CDH23: variants seen among roughly 807,000 people sequenced by gnomAD.
CDH23 encodes the protein cadherin-23.
Under a neutral mutation model 317.1 loss-of-function variants are expected in CDH23, and 189 were observed. The observed-to-expected ratio is 0.60, with a 90% confidence interval of 0.53 to 0.67. CDH23 has a LOEUF of 0.67. Ranked by LOEUF, CDH23 falls within the 30% of genes least tolerant of loss-of-function variation. The pLI, the probability that CDH23 is intolerant of heterozygous loss-of-function variation, is 0.00. For missense variants in CDH23, 4,401 were observed against 4,592.4 expected (o/e 0.96, Z 1.20); for synonymous variants, 1,839 against 1,876.8 (o/e 0.98, Z 0.52).
At chr10:71,766,150 C>A (rs571694995) in intron 38 of CDH23, among the ~76,000 whole-genome samples, 1 of 152,328 alleles carries the variant, frequency 6.6e-6, no homozygotes, top group South Asian at 2.1e-4. Flanking sequence ...AATTCTTTGG[C>A]GAGAGGATGT....
intron 30 of CDH23, among the ~76,000 whole-genome samples, chr10:71,728,073 G>A (rs1866895318): frequency 6.6e-6 from 1 of 152,008 alleles, no homozygotes. Context: ...CACAACCCTT[G>A]GAGTCAAGGT....
intron 3 of CDH23, among the ~76,000 whole-genome samples, chr10:71,466,528 G>T (rs1851264028): frequency 6.6e-6 from 1 of 152,178 alleles, no homozygotes; most frequent in African/African-American, 2.4e-5. Context: ...GAGTGAAAGT[G>T]TGTGTGCCTA....
chr10:71,692,655 C>T (rs1191222415), intron 20 of CDH23, among the ~76,000 whole-genome samples: 13 of 152,214 alleles, frequency 8.5e-5, no homozygotes, highest in South Asian at 2.1e-4. Context: ...GCTCCCTGCT[C>T]AGCCCCTGCA....
chr10:71,755,358 C>T (rs751673703), intron 38 of CDH23: 2 of 1,602,778 alleles, frequency 1.2e-6, no homozygotes, highest in Non-Finnish European at 1.7e-6. Context: ...GGAATACTCA[C>T]GGCGGTTGGA....
At chr10:71,737,305 C>T (rs890329849) in intron 34 of CDH23, among the ~76,000 whole-genome samples, 3 of 152,108 alleles carry the variant, frequency 2.0e-5, no homozygotes, top group African/African-American at 7.2e-5. Flanking sequence ...GTTATTCCTC[C>T]CAACAGGTGT....
At chr10:71,423,976 T>G (rs1254281800) in intron 1 of CDH23, among the ~76,000 whole-genome samples, 1 of 152,210 alleles carries the variant, frequency 6.6e-6, no homozygotes, top group Non-Finnish European at 1.5e-5. Context: ...CAACGGAGCA[T>G]GGTTGTCACT....
intron 8 of CDH23, among the ~76,000 whole-genome samples, chr10:71,576,631 C>T (rs1187616934): frequency 6.6e-6 from 1 of 152,142 alleles, no homozygotes; most frequent in Non-Finnish European, 1.5e-5. Flanking sequence ...GGGGTGGGGA[C>T]AGGCTTATCT....
intron 9 of CDH23, among the ~76,000 whole-genome samples, chr10:71,610,189 A>G (rs2132500879): frequency 6.6e-6 from 1 of 152,286 alleles, no homozygotes; most frequent in South Asian, 2.1e-4. Flanking sequence ...TTTTTAATAG[A>G]GATAAGGTTC....
chr10:71,546,904 A>G (rs889226324), intron 6 of CDH23, among the ~76,000 whole-genome samples: 1 of 152,236 alleles, frequency 6.6e-6, no homozygotes, highest in Non-Finnish European at 1.5e-5. Context: ...TATTTGTTGA[A>G]TGAATGAGAG....
chr10:71,648,434 A>G (rs1035293741), intron 14 of CDH23, among the ~76,000 whole-genome samples: 3 of 152,214 alleles, frequency 2.0e-5, no homozygotes, highest in Non-Finnish European at 4.4e-5. Flanking sequence ...ACCACGTGGC[A>G]AAGAATTCTA....
intron 14 of CDH23, among the ~76,000 whole-genome samples, chr10:71,654,783 C>T (rs1447234665): frequency 1.3e-5 from 2 of 152,250 alleles, no homozygotes; most frequent in East Asian, 1.9e-4. Flanking sequence ...TCTGAGCAGG[C>T]GCACCCCCAG....
At chr10:71,558,238 G>A (rs113041599) in intron 6 of CDH23, among the ~76,000 whole-genome samples, 17 of 152,258 alleles carry the variant, frequency 1.1e-4, no homozygotes, top group African/African-American at 3.6e-4. Flanking sequence ...GACCTCAGGT[G>A]ATTCACCTGC....
At chr10:71,778,753 C>T (rs1840878305) in intron 40 of CDH23, among the ~76,000 whole-genome samples, 1 of 152,078 alleles carries the variant, frequency 6.6e-6, no homozygotes, top group South Asian at 2.1e-4. Context: ...AGTTTATGGG[C>T]AGTACTATTA....
At chr10:71,723,031 C>T (rs1438013828) in intron 28 of CDH23, among the ~76,000 whole-genome samples, 1 of 152,192 alleles carries the variant, frequency 6.6e-6, no homozygotes, top group Non-Finnish European at 1.5e-5. Context: ...AGTCCTGGAC[C>T]AATCCCCTCT....
At chr10:71,724,418 G>T (rs61852056) in intron 29 of CDH23, among the ~76,000 whole-genome samples, 1 of 152,040 alleles carries the variant, frequency 6.6e-6, no homozygotes, top group Non-Finnish European at 1.5e-5. Flanking sequence ...TCAGCCTCCC[G>T]TCCCCAGTAG....
chr10:71,649,706 T>C (rs896374820), intron 14 of CDH23, among the ~76,000 whole-genome samples: 4 of 152,218 alleles, frequency 2.6e-5, no homozygotes, highest in Non-Finnish European at 2.9e-5. Context: ...CTTCTGTATG[T>C]ATACAGGGGT....
intron 38 of CDH23, among the ~76,000 whole-genome samples, chr10:71,776,725 A>T (rs1051291073): frequency 5.9e-5 from 9 of 152,224 alleles, no homozygotes; most frequent in African/African-American, 2.2e-4. Context: ...CCCTGTCCCC[A>T]AGCAGGAGAA....
intron 1 of CDH23, among the ~76,000 whole-genome samples, chr10:71,406,209 C>T (rs1848090891): frequency 6.6e-6 from 1 of 152,026 alleles, no homozygotes; most frequent in African/African-American, 2.4e-5. Flanking sequence ...CTTTCTGTTG[C>T]TTTTTGCTTT....
chr10:71,449,172 A>G (rs552195515), intron 3 of CDH23, among the ~76,000 whole-genome samples: 1 of 152,378 alleles, frequency 6.6e-6, no homozygotes, highest in East Asian at 1.9e-4. Context: ...GGGCTGTCCT[A>G]CAAGCCATGG....
Sources: allele counts gnomAD v4.1 joint callset (sites outside exome capture counted in the v4.1 genomes callset), GRCh38; gene constraint gnomAD v4.1.1; transcripts MANE v1.5; gene names NCBI Gene and HGNC (gene_info 2026-07-23, HGNC 2026-07-21).